The following CRTC2 variants were observed in gnomAD, a reference collection of about 807,000 sequenced individuals.
CRTC2 encodes the protein CREB-regulated transcription coactivator 2.
In CRTC2, 25 loss-of-function variants were observed where a neutral mutation model predicts 70.9. That is an observed-to-expected ratio of 0.35 (90% CI 0.26 to 0.49). CRTC2 has a LOEUF of 0.49. Ranked by LOEUF, CRTC2 falls within the 20% of genes least tolerant of loss-of-function variation. CRTC2 has a pLI of 0.98. For synonymous variants in CRTC2, 330 were observed against 364.1 expected (o/e 0.91, Z 1.07); for missense variants, 737 against 882.6 (o/e 0.83, Z 2.09).
chr1:153,954,852 C>T lies in CRTC2; in HGVS notation c.372+21G>A, dbSNP rs760798479. 5 of 1,606,262 alleles carry T rather than the reference C, an allele frequency of 3.1e-6. No individual in the cohort carries two copies. The Admixed American group carries it at 8.3e-5, about 27-fold the overall frequency. On this transcript the variant is annotated intron_variant, in intron 3 of 13. Coordinates refer to ENST00000368633, the MANE Select transcript of CRTC2 (RefSeq NM_181715.3). ...CATCCCACTACCTTTCAGACACTCC[C>T]AAGTCCCCTGTGAAGGATATGTGGC...
Position 153,958,472 on chromosome 1 carries a change from G to C in CRTC2, c.26C>G (p.Pro9Arg). The C allele has an allele frequency of 1.2e-6, 2 of 1,611,774 alleles. No individual in the cohort carries two copies. Among genetic ancestry groups the C allele is most frequent in the Non-Finnish European group, 1.7e-6 (2 of 1,178,668 alleles). Reference protein sequence around the residue: MATSGANGPGSATASASNP... With the variant: MATSGANGRGSATASASNP... ...GGAAGCCGAGGCCGTGGCCGAACCAGGCCCGTTCGCCCCCGACGTCGCCAT... is the reference window on the plus strand; with the variant it reads ...GGAAGCCGAGGCCGTGGCCGAACCACGCCCGTTCGCCCCCGACGTCGCCAT... The change falls in exon 1 of 14, where the codon CCT (proline) becomes CGT (arginine). Residue 9 changes from proline to arginine, a missense_variant. Around this residue, in one of 3 missense-constraint regions of CRTC2, gnomAD observed 29 missense variants for 25.5 expected, o/e 1.14. Coordinates refer to ENST00000368633, the MANE Select transcript of CRTC2 (RefSeq NM_181715.3).
At chr1:153,950,192 C>T (rs1382882471) in intron 11 of CRTC2, among the ~76,000 whole-genome samples, 1 of 152,254 alleles carries the variant, frequency 6.6e-6, no homozygotes, top group Non-Finnish European at 1.5e-5. Flanking sequence ...GGATTACAGG[C>T]ATAAGCCACT....
At position 153,958,461 on chromosome 1, in the gene CRTC2, T is replaced by C. The variant is rs1161508663; in HGVS notation, c.37A>G (p.Thr13Ala). 4 of 1,613,040 alleles carry C rather than the reference T, an allele frequency of 2.5e-6. No individual in the cohort carries two copies. Among genetic ancestry groups the C allele is most frequent in the Non-Finnish European group, 3.4e-6 (4 of 1,179,706 alleles). ...TSGANGPGSA[T>A]ASASNPRKFS... ...TTGCGCGGATTGGAAGCCGAGGCCG[T>C]GGCCGAACCAGGCCCGTTCGCCCCC... The change falls in exon 1 of 14, where the codon ACG becomes GCG. Residue 13 changes from threonine (T) to alanine (A), a missense_variant. This residue lies in a region of CRTC2 where 29 missense variants were observed against 25.5 expected (regional missense o/e 1.14). Transcript: ENST00000368633.
At chr1:153,955,305 C>T (rs773132468) in intron 1 of CRTC2, 139 bp from the exon 2 acceptor site, 6 of 668,736 alleles carry the variant, frequency 9.0e-6, no homozygotes, top group South Asian at 3.5e-5. Flanking sequence ...CAGTAGCTCA[C>T]ACCTGTAATC....
intron 11 of CRTC2, 65 bp downstream of exon 11, chr1:153,951,195 G>T: frequency 6.5e-7 from 1 of 1,542,662 alleles, no homozygotes; most frequent in Admixed American, 1.8e-5. Flanking sequence ...GAGGGTGGGA[G>T]GGAAACAACA....
At chr1:153,950,326 AAAAG>A (rs1244019929) in intron 11 of CRTC2, among the ~76,000 whole-genome samples, 1 of 152,170 alleles carries the variant, frequency 6.6e-6, no homozygotes, top group Non-Finnish European at 1.5e-5. Flanking sequence ...AGGGGGTGGG[AAAAG>A]AAAGAAAGAA....
At chr1:153,950,914 G>A (rs554457500) in intron 11 of CRTC2, among the ~76,000 whole-genome samples, 2 of 152,294 alleles carry the variant, frequency 1.3e-5, no homozygotes, top group South Asian at 4.1e-4. Flanking sequence ...GGCTATGTGT[G>A]GTGCTAAGTA....
chr1:153,951,852 C>T (rs1388832252), intron 10 of CRTC2, 166 bp downstream of exon 10: 1 of 1,108,326 alleles, frequency 9.0e-7, no homozygotes, highest in African/African-American at 1.6e-5. Flanking sequence ...AACACCACAC[C>T]TACCAGTTAT....
chr1:153,949,121 C>A lies in CRTC2; in HGVS notation c.1668G>T (p.Leu556=). ...SYHRPMSDFN[L]GNLEQFSMES... ...AAGGAGCCTGAGTACTCACATTCCC[C>A]AGGTTGAAGTCACTCATTGGCCGGT... Residue 556 remains leucine, a synonymous_variant, in exon 12 of 14, where the codon CTG becomes CTT. Coordinates refer to ENST00000368633, the MANE Select transcript of CRTC2 (RefSeq NM_181715.3). 2 of 1,606,362 alleles carry A rather than the reference C, an allele frequency of 1.2e-6. No individual in the cohort carries two copies. Among genetic ancestry groups the A allele is most frequent in the Non-Finnish European group, 1.7e-6 (2 of 1,175,646 alleles).
intron 1 of CRTC2, among the ~76,000 whole-genome samples, chr1:153,955,411 C>A (rs994460486): frequency 1.3e-5 from 2 of 151,580 alleles, no homozygotes; most frequent in African/African-American, 4.8e-5. Context: ...ACTAAAAATA[C>A]AAAAAATTAG....
rs1680360257 is a variant in CRTC2, at chr1:153,952,150, T to G, written c.865A>C (p.Thr289Pro). 1.2e-6 allele frequency: 2 copies of G among 1,610,732 alleles called. No individual in the cohort carries two copies. The highest frequency in any genetic ancestry group is 8.5e-7 in the Non-Finnish European group (1 of 1,178,962). The part of the protein sequence containing the change: ...TNLHFPPPLP[T>P]PLDPEETAYP... ...GCTGTCTCTTCAGGGTCCAGGGGGG[T>G]GGGCAGTGGTGGGGGAAAGTGCAGG... Residue 289 changes from threonine (T) to proline (P), a missense_variant, in exon 10 of 14, where the codon ACC becomes CCC. Physicochemically the swap from Thr to Pro is conservative, Grantham distance 38 (BLOSUM62 -1). This residue lies in a region of CRTC2 where 699 missense variants were observed against 823.7 expected (regional missense o/e 0.85). Transcript: ENST00000368633.
In CRTC2 at chr1:153,948,337, TAGA is replaced by T. The variant is rs1557864352; in HGVS notation, c.1862-11_1862-9del. ...AACCTGGAGAGGAGTCCCCTGTGGG[TAGA>T]AGAGACAGGTGAGGACCCCATGTCC... On this transcript the variant is annotated splice_polypyrimidine_tract_variant and intron_variant, in intron 13 of 13. Transcript: ENST00000368633. 4 of 1,614,048 alleles carry T rather than the reference TAGA, an allele frequency of 2.5e-6. No homozygotes were observed. In the African/African-American group the frequency reaches 5.3e-5, roughly 22 times the overall value.
chr1:153,958,513 C>G lies in CRTC2; in HGVS notation c.-16G>C. Reference sequence around the variant, plus strand: ...ACGTCGCCATCTTCCTTCCCCGTCCCTCCCTGCCACCCTCCCAGTACCAGC... The same window carrying G: ...ACGTCGCCATCTTCCTTCCCCGTCCGTCCCTGCCACCCTCCCAGTACCAGC... On this transcript the variant is annotated 5_prime_UTR_variant, in exon 1 of 14. Coordinates refer to ENST00000368633, the MANE Select transcript of CRTC2 (RefSeq NM_181715.3). 6.2e-7 allele frequency: 1 copy of G among 1,602,280 alleles called. No individual in the cohort carries two copies. The highest frequency in any genetic ancestry group is 8.5e-7 in the Non-Finnish European group (1 of 1,173,072).
chr1:153,954,353 C>T (rs755639134), intron 3 of CRTC2, 37 bp from the exon 4 acceptor site: 11 of 1,491,090 alleles, frequency 7.4e-6, no homozygotes, highest in African/African-American at 4.1e-5. Context: ...GTAGAGAGGA[C>T]AGATGAGAGA....
intron 4 of CRTC2, among the ~76,000 whole-genome samples, chr1:153,953,838 C>T (rs111516157): frequency 2.0e-5 from 3 of 152,134 alleles, no homozygotes; most frequent in Non-Finnish European, 2.9e-5. Context: ...AATCTTGGAG[C>T]CCAGCAGCAT....
chr1:153,950,666 G>A (rs1371423109), intron 11 of CRTC2, among the ~76,000 whole-genome samples: 1 of 152,196 alleles, frequency 6.6e-6, no homozygotes, highest in Non-Finnish European at 1.5e-5. Flanking sequence ...AACTTGCTGG[G>A]TAAACTTGGA....
Position 153,953,613 on chromosome 1 carries a change from T to A in CRTC2, c.435-7A>T. 6.2e-7 allele frequency: 1 copy of A among 1,601,078 alleles called. No individual in the cohort carries two copies. The highest frequency in any genetic ancestry group is 8.5e-7 in the Non-Finnish European group (1 of 1,174,106). The stretch of plus-strand genomic sequence containing the variant: ...ATTGCCCCAGGCCATCGTCCTGGGG[T>A]AGAAAAACAAAGTCATGAGGAGGAA... On this transcript the variant is annotated splice_region_variant and splice_polypyrimidine_tract_variant and intron_variant, in intron 4 of 13. Transcript: ENST00000368633.
chr1:153,958,215 C>G, intron 1 of CRTC2, 130 bp downstream of exon 1: 1 of 1,438,780 alleles, frequency 7.0e-7, no homozygotes, highest in Non-Finnish European at 9.1e-7. Flanking sequence ...CTGCGCCTCC[C>G]AAACGGCGGC....
Position 153,947,761 on chromosome 1 carries a change from A to G in CRTC2, c.*348T>C, listed in dbSNP as rs992426700. ...GGCTCTCTCCTCCACTGCAAGGGGA[A>G]GAGTGGTGAGGAGGGGCTGGCACTG... On this transcript the variant is annotated 3_prime_UTR_variant, in exon 14 of 14. Transcript: ENST00000368633. 7.1e-6 allele frequency: 2 copies of G among 281,328 alleles called. No individual in the cohort carries two copies. The highest frequency in any genetic ancestry group is 1.4e-5 in the Non-Finnish European group (2 of 145,824). The allele number at this position is 281,328 out of a possible 1,614,324, so 17.4% of individuals were successfully genotyped here.
Sources: gnomAD v4.1 joint callset for allele counts (sites outside exome capture counted in the v4.1 genomes callset) on GRCh38, gnomAD v4.1.1 for gene constraint, gnomAD v4.1.1 regional missense constraint, MANE v1.5 for transcripts, NCBI Gene and HGNC (gene_info 2026-07-23, HGNC 2026-07-21) for gene names.